Variants in NPRL3 observed in about 807,000 individuals in gnomAD.
NPRL3 encodes the protein GATOR1 complex protein NPRL3.
In NPRL3, 23 loss-of-function variants were observed where a neutral mutation model predicts 57.2. The ratio of observed to expected loss-of-function variants is 0.40; its 90% confidence interval spans 0.29 to 0.57. NPRL3 has a LOEUF of 0.57. NPRL3 is among the 20% of genes least tolerant of loss of function. NPRL3 has a pLI of 0.42. For synonymous variants in NPRL3, 333 were observed against 321.1 expected (o/e 1.04, Z -0.39); for missense variants, 691 against 767.1 (o/e 0.90, Z 1.17).
chr16:112,713 C>G lies in NPRL3; in HGVS notation c.456G>C (p.Val152=). The G allele has an allele frequency of 6.2e-7, 1 of 1,612,184 alleles. No individual in the cohort carries two copies. Among genetic ancestry groups the G allele is most frequent in the Non-Finnish European group, 8.5e-7 (1 of 1,179,046 alleles). Residue 152 remains valine, a synonymous_variant, in exon 6 of 14, where the codon GTG becomes GTC. Coordinates refer to ENST00000611875, the MANE Select transcript of NPRL3 (RefSeq NM_001077350.3). ...GGCAGCGGCGCTCCTCGTGCTGCAG[C>G]ACGGTGGCGATACGACGGGACAGGT... The part of the protein sequence containing the change: ...LHNLSRRIAT[V]LQHEERRCQY...
At chr16:87,873 T>G (rs1184230556) in intron 13 of NPRL3, among the ~76,000 whole-genome samples, 1 of 146,552 alleles carries the variant, frequency 6.8e-6, no homozygotes, top group Non-Finnish European at 1.5e-5. Flanking sequence ...CCTGACTTTT[T>G]TTTTTTTTTT....
intron 9 of NPRL3, among the ~76,000 whole-genome samples, chr16:94,363 C>A (rs796620394): frequency 3.5e-4 from 53 of 152,360 alleles, no homozygotes; most frequent in African/African-American, 1.1e-3. Flanking sequence ...CCACTCCACC[C>A]TCTTGGCGGG....
intron 3 of NPRL3, among the ~76,000 whole-genome samples, chr16:127,506 A>G (rs1014715946): frequency 6.6e-6 from 1 of 152,142 alleles, no homozygotes. Flanking sequence ...AAGTGGTGGG[A>G]TTACAGGCAT....
At chr16:137,135 C>T (rs12918367) in intron 2 of NPRL3, among the ~76,000 whole-genome samples, 11,858 of 151,628 alleles carry the variant, frequency 0.078, 868 homozygotes, top group African/African-American at 0.2. Flanking sequence ...CAGGAGAATC[C>T]CTTGAGCCCG....
intron 11 of NPRL3, 95 bp from the exon 12 acceptor site, chr16:89,997 G>A (rs899528843): frequency 8.8e-5 from 102 of 1,154,312 alleles, no homozygotes; most frequent in Non-Finnish European, 1.1e-4. Flanking sequence ...GCCACAGCAC[G>A]CTCCCTGTGC....
At chr16:98,979 G>A (rs561295827) in intron 8 of NPRL3, among the ~76,000 whole-genome samples, 1 of 152,064 alleles carries the variant, frequency 6.6e-6, no homozygotes, top group African/African-American at 2.4e-5. Context: ...TGTCACCCTC[G>A]GAAAAAAACA....
chr16:97,738 G>A (rs1211852760), intron 9 of NPRL3, among the ~76,000 whole-genome samples: 1 of 120,728 alleles, frequency 8.3e-6, no homozygotes, highest in Non-Finnish European at 1.5e-5. Context: ...GCACATGGGA[G>A]GGCCCCGCAT....
At chr16:98,609 C>A (rs754741511) in intron 8 of NPRL3, among the ~76,000 whole-genome samples, 10 of 152,292 alleles carry the variant, frequency 6.6e-5, no homozygotes, top group African/African-American at 2.2e-4. Flanking sequence ...GGGCCAAGAG[C>A]GGGATTTGAG....
chr16:128,145 C>T (rs901471752), intron 3 of NPRL3, among the ~76,000 whole-genome samples: 1 of 152,076 alleles, frequency 6.6e-6, no homozygotes, highest in African/African-American at 2.4e-5. Flanking sequence ...GCATGTGCTC[C>T]CATGCCCGAC....
chr16:137,501 G>C lies in NPRL3; in HGVS notation c.118+649C>G, dbSNP rs543704647. Among the ~76,000 whole-genome samples, 5 of 152,068 alleles carry C rather than the reference G, an allele frequency of 3.3e-5. No homozygotes were observed. The South Asian group carries it at 1.0e-3, about 32-fold the overall frequency. On this transcript the variant is annotated intron_variant, in intron 2 of 13. Coordinates refer to ENST00000611875, the MANE Select transcript of NPRL3 (RefSeq NM_001077350.3). ...CCCAACACGGCCAGGGGTGATCCCTGTGCTTGCTAGAACTGGGGGTGGCAA... is the reference window on the plus strand; with the variant it reads ...CCCAACACGGCCAGGGGTGATCCCTCTGCTTGCTAGAACTGGGGGTGGCAA...
chr16:91,726 C>T (rs1050141260), intron 11 of NPRL3, among the ~76,000 whole-genome samples: 9 of 152,214 alleles, frequency 5.9e-5, no homozygotes, highest in East Asian at 1.9e-4. Context: ...AATTTGAGAA[C>T]GGAAAGGGTT....
At chr16:100,646 A>C (rs892103216) in intron 7 of NPRL3, 137 bp from the exon 8 acceptor site, 3 of 785,352 alleles carry the variant, frequency 3.8e-6, no homozygotes, top group Non-Finnish European at 3.6e-6. Flanking sequence ...GCAGGAGAGC[A>C]TCTCTTAAGA....
chr16:85,857 G>A lies in NPRL3; in HGVS notation c.*848C>T, dbSNP rs962951069. ...TTTATTTCTAGAAAACTGTGCCTTAGCCAGAGCTCCTCTAGGTGATCAACC... is the reference window on the plus strand; with the variant it reads ...TTTATTTCTAGAAAACTGTGCCTTAACCAGAGCTCCTCTAGGTGATCAACC... On this transcript the variant is annotated 3_prime_UTR_variant, in exon 14 of 14. Transcript: ENST00000611875. 2 of 1,373,556 alleles carry A rather than the reference G, an allele frequency of 1.5e-6. No individual in the cohort carries two copies. Among genetic ancestry groups the A allele is most frequent in the South Asian group, 3.9e-5 (2 of 51,534 alleles). The allele number at this position is 1,373,556 out of a possible 1,614,324, so 85.1% of individuals were successfully genotyped here.
At chr16:97,410 A>ATTTTTTTTTTTT (rs34410203) in intron 9 of NPRL3, among the ~76,000 whole-genome samples, 48 of 115,052 alleles carry the variant, frequency 4.2e-4, no homozygotes, top group East Asian at 7.7e-4. Flanking sequence ...ACACCCAGCT[A>ATTTTTTTTTTTT]TTTTTTTTTT....
In NPRL3 at chr16:89,901, G is replaced by A. The variant is rs758123622; in HGVS notation, c.1163C>T (p.Thr388Ile). The A allele has an allele frequency of 3.1e-5, 48 of 1,545,674 alleles. 1 individual carries two copies. In the South Asian group the frequency reaches 5.8e-4, roughly 19 times the overall value. ...RNPLAPAVQETQLIQMVVWML... is the reference protein window; with the variant it reads ...RNPLAPAVQEIQLIQMVVWML... ...CCACACCACCATCTGGATGAGCTGGGTCTGCGGGTGGCAGCAGGTGAGGCT... is the reference window on the plus strand; with the variant it reads ...CCACACCACCATCTGGATGAGCTGGATCTGCGGGTGGCAGCAGGTGAGGCT... Residue 388 changes from threonine to isoleucine, a missense_variant and splice_region_variant, in exon 12 of 14, where the codon ACC becomes ATC. Thr to Ile is a moderately conservative substitution (Grantham distance 89). Coordinates refer to ENST00000611875, the MANE Select transcript of NPRL3 (RefSeq NM_001077350.3).
At chr16:98,894 C>T (rs1178794922) in intron 8 of NPRL3, among the ~76,000 whole-genome samples, 4 of 152,082 alleles carry the variant, frequency 2.6e-5, no homozygotes, top group Admixed American at 2.0e-4. Context: ...GCCGAGATTG[C>T]GCCATTGCAC....
intron 3 of NPRL3, among the ~76,000 whole-genome samples, chr16:121,420 C>G (rs536405266): frequency 6.6e-6 from 1 of 152,026 alleles, no homozygotes; most frequent in East Asian, 1.9e-4. Context: ...GTCAGGAGTT[C>G]GAGACCAGCA....
In NPRL3 at chr16:85,912, C is replaced by T. The variant is rs931137532; in HGVS notation, c.*793G>A. ...TCTGGAGCTAGCTCTTCCTCCAGGA[C>T]ACGAGAGCTGGGGGCCTGAGTACGT... On this transcript the variant is annotated 3_prime_UTR_variant, in exon 14 of 14. Transcript: ENST00000611875. 9.3e-7 allele frequency: 1 copy of T among 1,076,112 alleles called. No individual in the cohort carries two copies. The highest frequency in any genetic ancestry group is 1.6e-5 in the African/African-American group (1 of 61,784). 66.7% of individuals were successfully genotyped at this position (1,076,112 alleles called of 1,614,324 possible). A position where few individuals can be genotyped will look rare whatever the true frequency, so the allele number is the denominator to read the frequency against.
At chr16:99,971 A>G (rs1480867532) in intron 8 of NPRL3, among the ~76,000 whole-genome samples, 9 of 133,002 alleles carry the variant, frequency 6.8e-5, no homozygotes, top group South Asian at 4.2e-4. Context: ...AAAAAAAAAA[A>G]AAAAAAGAAA....
Sources: gnomAD v4.1 joint callset for allele counts (sites outside exome capture counted in the v4.1 genomes callset) on GRCh38, gnomAD v4.1.1 for gene constraint, MANE v1.5 for transcripts, NCBI Gene and HGNC (gene_info 2026-07-23, HGNC 2026-07-21) for gene names.